DCC: variants seen among roughly 807,000 people sequenced by gnomAD.
The protein encoded by DCC is netrin receptor DCC.
A neutral mutation model predicts 172.5 loss-of-function variants in DCC; 58 were observed. The observed-to-expected ratio is 0.34, with a 90% CI of 0.27 to 0.42. The LOEUF (loss-of-function observed/expected upper bound fraction) is 0.42, where lower values mean the gene tolerates loss of function less well. DCC is among the 10% of genes least tolerant of loss of function. The probability of loss-of-function intolerance (pLI) is 1.00; values close to 1 mark genes in which losing one functional copy is unlikely to be tolerated. For synonymous variants in DCC, 709 were observed against 644.5 expected (o/e 1.10, Z -1.52); for missense variants, 1,740 against 1,791.0 (o/e 0.97, Z 0.51).
At chr18:52,886,771 T>C (rs1445861215) in intron 2 of DCC, among the ~76,000 whole-genome samples, 1 of 152,010 alleles carries the variant, frequency 6.6e-6, no homozygotes, top group Non-Finnish European at 1.5e-5. Context: ...ACCTGATTTT[T>C]GGTTCTTCTG....
intron 9 of DCC, among the ~76,000 whole-genome samples, chr18:53,190,603 C>G (rs1384672065): frequency 6.6e-6 from 1 of 152,006 alleles, no homozygotes; most frequent in Non-Finnish European, 1.5e-5. Context: ...CTTATTAATT[C>G]ACCATTGATA....
At chr18:52,679,898 C>CT (rs2035713759) in intron 1 of DCC, among the ~76,000 whole-genome samples, 1 of 151,854 alleles carries the variant, frequency 6.6e-6, no homozygotes. Flanking sequence ...TTCTAATAGA[C>CT]TTTTTAAAAA....
At chr18:52,388,537 G>T in intron 1 of DCC, among the ~76,000 whole-genome samples, 2 of 149,638 alleles carry the variant, frequency 1.3e-5, no homozygotes, top group Non-Finnish European at 1.5e-5. Flanking sequence ...AATCTATACT[G>T]TATTTTGCAT....
chr18:52,722,332 G>C (rs2036484984), intron 1 of DCC, among the ~76,000 whole-genome samples: 1 of 152,040 alleles, frequency 6.6e-6, no homozygotes, highest in African/African-American at 2.4e-5. Flanking sequence ...TCCATCTGTG[G>C]CAGAGATAGA....
intron 2 of DCC, among the ~76,000 whole-genome samples, chr18:52,773,496 A>G (rs1356793382): frequency 7.5e-6 from 1 of 132,484 alleles, no homozygotes; most frequent in African/African-American, 2.6e-5. Context: ...CCAAATATAT[A>G]TCTCTATATA....
At chr18:52,780,048 C>CTTCA (rs140254206) in intron 2 of DCC, among the ~76,000 whole-genome samples, 8,033 of 150,460 alleles carry the variant, frequency 0.053, 283 homozygotes, top group South Asian at 0.16. Flanking sequence ...TAATTTACTA[C>CTTCA]TTCATCGTGG....
intron 7 of DCC, among the ~76,000 whole-genome samples, chr18:53,143,615 C>T (rs1568329477): frequency 6.6e-6 from 1 of 152,154 alleles, no homozygotes; most frequent in Non-Finnish European, 1.5e-5. Context: ...TGTGTTCAGA[C>T]CCTAGAGCAG....
At chr18:53,093,268 C>G (rs1278077499) in intron 7 of DCC, among the ~76,000 whole-genome samples, 1 of 152,114 alleles carries the variant, frequency 6.6e-6, no homozygotes, top group Non-Finnish European at 1.5e-5. Flanking sequence ...CAGAGCGAGA[C>G]TCTGTCTCAA....
At chr18:52,461,670 G>C (rs1006226274) in intron 1 of DCC, among the ~76,000 whole-genome samples, 4 of 152,144 alleles carry the variant, frequency 2.6e-5, no homozygotes, top group African/African-American at 7.2e-5. Flanking sequence ...CCACTGTTGC[G>C]TACATTGTCT....
At chr18:53,430,919 A>G (rs1454123592) in intron 21 of DCC, among the ~76,000 whole-genome samples, 1 of 152,124 alleles carries the variant, frequency 6.6e-6, no homozygotes, top group African/African-American at 2.4e-5. Context: ...CCAAGGAAGC[A>G]TATGGTATGT....
chr18:53,418,514 A>G (rs926237285), intron 21 of DCC, among the ~76,000 whole-genome samples: 2 of 152,152 alleles, frequency 1.3e-5, no homozygotes, highest in Non-Finnish European at 2.9e-5. Flanking sequence ...TGATCCCACT[A>G]TTACATTTAT....
intron 27 of DCC, among the ~76,000 whole-genome samples, chr18:53,512,156 G>A (rs942966331): frequency 1.9e-4 from 29 of 151,130 alleles, no homozygotes; most frequent in Admixed American, 1.5e-3. Context: ...CCCTGACCCC[G>A]ACCCCCCAGC....
chr18:53,085,165 C>A (rs1196151578), intron 7 of DCC, among the ~76,000 whole-genome samples: 1 of 152,156 alleles, frequency 6.6e-6, no homozygotes, highest in African/African-American at 2.4e-5. Flanking sequence ...AGGAATTGCC[C>A]TCAGGTTCTG....
At chr18:52,844,467 A>G (rs2038854725) in intron 2 of DCC, among the ~76,000 whole-genome samples, 1 of 152,180 alleles carries the variant, frequency 6.6e-6, no homozygotes, top group Admixed American at 6.5e-5. Flanking sequence ...TTCCACACAC[A>G]TAGTAATTGG....
chr18:52,503,537 T>C (rs575074423), intron 1 of DCC, among the ~76,000 whole-genome samples: 1 of 152,312 alleles, frequency 6.6e-6, no homozygotes, highest in African/African-American at 2.4e-5. Context: ...AGAGTTTATG[T>C]TCCTGAGTTC....
At chr18:53,425,355 C>CTTTTTTTTTTTTTTTTTT (rs1338640000) in intron 21 of DCC, among the ~76,000 whole-genome samples, 1 of 86,490 alleles carries the variant, frequency 1.2e-5, no homozygotes, top group African/African-American at 3.5e-5. Flanking sequence ...CGTTTCTCCT[C>CTTTTTTTTTTTTTTTTTT]TCTTTTTTTT....
chr18:53,130,251 G>A (rs1196911104), intron 7 of DCC, among the ~76,000 whole-genome samples: 1 of 152,056 alleles, frequency 6.6e-6, no homozygotes, highest in East Asian at 1.9e-4. Context: ...GTGACCATCT[G>A]GCTTTTGAGG....
At chr18:53,178,607 A>G (rs2055145452) in intron 8 of DCC, among the ~76,000 whole-genome samples, 2 of 152,148 alleles carry the variant, frequency 1.3e-5, no homozygotes, top group African/African-American at 4.8e-5. Context: ...ATGTTTACAA[A>G]ACTCGTCTTC....
At chr18:53,336,818 A>G (rs1016449288) in intron 14 of DCC, among the ~76,000 whole-genome samples, 5 of 152,192 alleles carry the variant, frequency 3.3e-5, no homozygotes, top group Admixed American at 2.0e-4. Flanking sequence ...AGAGGCTGCA[A>G]TGAGCTTTGA....
Sources: gnomAD v4.1 joint callset for allele counts (sites outside exome capture counted in the v4.1 genomes callset) on GRCh38, gnomAD v4.1.1 for gene constraint, MANE v1.5 for transcripts, NCBI Gene and HGNC (gene_info 2026-07-23, HGNC 2026-07-21) for gene names.